ATP7A: variants seen among roughly 807,000 people sequenced by gnomAD.
The protein encoded by ATP7A is copper-transporting ATPase 1.
A neutral mutation model predicts 83.5 loss-of-function variants in ATP7A; 7 were observed. The observed-to-expected ratio is 0.08, with a 90% confidence interval of 0.05 to 0.16. The LOEUF is 0.16. ATP7A is among the 10% of genes least tolerant of loss of function. The probability of loss-of-function intolerance (pLI) is 1.00; values close to 1 mark genes in which losing one functional copy is unlikely to be tolerated. For synonymous variants in ATP7A, 354 were observed against 395.2 expected (o/e 0.90, Z 1.24); for missense variants, 940 against 1,120.8 (o/e 0.84, Z 2.30).
At chrX:78,027,105 ACGCCATTGAACTGC>A (rs2077950264) in intron 14 of ATP7A, among the ~76,000 whole-genome samples, 1 of 107,936 alleles carries the variant, frequency 9.3e-6, no homozygotes, top group Non-Finnish European at 1.9e-5. Flanking sequence ...AGCCTAGATC[ACGCCATTGAACTGC>A]CGCCTGGGCA....
chrX:78,008,898 C>G lies in ATP7A; in HGVS notation c.1708-204C>G, dbSNP rs782159407. On this transcript the variant is annotated intron_variant, in intron 6 of 22. Transcript: ENST00000341514. The stretch of plus-strand genomic sequence containing the variant: ...AGGCATGGTAGAACATGCCTGTAAC[C>G]CCAGCTACTTGAGAGGCTGAGGCAG... 6.4e-5 allele frequency among the ~76,000 whole-genome samples: 7 copies of G among 108,812 alleles called. No homozygotes were observed. In the Admixed American group the frequency reaches 6.9e-4, roughly 11 times the overall value. The allele number at this position is 108,812 out of a possible 115,157, so 94.5% of individuals were successfully genotyped here.
chrX:77,940,397 G>A (rs2077345364), intron 1 of ATP7A, among the ~76,000 whole-genome samples: 1 of 111,236 alleles, frequency 9.0e-6, no homozygotes, highest in Non-Finnish European at 1.9e-5. Flanking sequence ...TGAGGAAAGA[G>A]TGGCTTACTT....
At chrX:77,934,252 A>G (rs1557224844) in intron 1 of ATP7A, among the ~76,000 whole-genome samples, 1 of 110,544 alleles carries the variant, frequency 9.0e-6, no homozygotes. Flanking sequence ...CGTCTCTCCT[A>G]AACATTTAAA....
intron 7 of ATP7A, among the ~76,000 whole-genome samples, chrX:78,009,722 C>T (rs868944952): frequency 9.8e-5 from 11 of 111,802 alleles, no homozygotes; most frequent in African/African-American, 3.3e-4. Flanking sequence ...TTTTGAGAGG[C>T]CTAGAGGGCA....
intron 1 of ATP7A, among the ~76,000 whole-genome samples, chrX:77,941,895 T>C (rs901800992): frequency 8.9e-6 from 1 of 112,276 alleles, no homozygotes; most frequent in Admixed American, 9.4e-5. Flanking sequence ...CCTTTGCTTA[T>C]TAATTAAGTA....
chrX:77,937,948 TCGC>T (rs1172673754), intron 1 of ATP7A, among the ~76,000 whole-genome samples: 4 of 109,010 alleles, frequency 3.7e-5, no homozygotes, highest in African/African-American at 1.3e-4. Context: ...CCTCTCTCTC[TCGC>T]CAATTGTCAC....
chrX:77,981,195 A>C (rs782701255), intron 2 of ATP7A, among the ~76,000 whole-genome samples: 1 of 111,472 alleles, frequency 9.0e-6, no homozygotes, highest in East Asian at 2.8e-4. Context: ...ATGACAGTGC[A>C]TTGAATATTC....
chrX:78,002,320 G>A (rs973510294), intron 5 of ATP7A, among the ~76,000 whole-genome samples: 1 of 105,817 alleles, frequency 9.5e-6, no homozygotes, highest in African/African-American at 3.5e-5. Flanking sequence ...GGACTCAAGC[G>A]ATCTGCCCTC....
intron 1 of ATP7A, among the ~76,000 whole-genome samples, chrX:77,956,726 C>CCTTTCTGTCTTTCTTT (rs1557227383): frequency 1.4e-5 from 1 of 73,772 alleles, no homozygotes; most frequent in African/African-American, 5.1e-5. Flanking sequence ...TACCCAGTCT[C>CCTTTCTGTCTTTCTTT]CTTTCTTTCT....
At chrX:77,990,915 A>T (rs1309294993) in intron 4 of ATP7A, among the ~76,000 whole-genome samples, 5 of 112,175 alleles carry the variant, frequency 4.5e-5, no homozygotes, top group African/African-American at 6.5e-5. Flanking sequence ...TGAGTAAAAA[A>T]TTTTACTAAA....
intron 9 of ATP7A, 99 bp from the exon 10 acceptor site, chrX:78,012,780 A>G: frequency 1.3e-6 from 1 of 776,877 alleles, no homozygotes; most frequent in Non-Finnish European, 2.0e-6. Flanking sequence ...GATTAGCTAA[A>G]AGCCAAAGAA....
At chrX:77,948,252 G>A (rs1035358149) in intron 1 of ATP7A, among the ~76,000 whole-genome samples, 3 of 108,821 alleles carry the variant, frequency 2.8e-5, no homozygotes, top group Non-Finnish European at 5.7e-5. Context: ...TCAGCCTCCT[G>A]TAATGGCTGG....
In ATP7A at chrX:78,050,287, C is replaced by T. The variant is rs960787519; in HGVS notation, c.*3717C>T. On this transcript the variant is annotated 3_prime_UTR_variant, in exon 23 of 23. Coordinates refer to ENST00000341514, the MANE Select transcript of ATP7A (RefSeq NM_000052.7). ...GCAGTGGACGATGTTGTGCAATATC[C>T]ATCTACTGTAGTTAAGATATTCAGT... 3.6e-5 allele frequency: 4 copies of T among 112,211 alleles called. No homozygotes were observed. The highest frequency in any genetic ancestry group is 7.5e-5 in the Non-Finnish European group (4 of 53,188). 9.2% of individuals were successfully genotyped at this position (112,211 alleles called of 1,213,427 possible).
rs782260332 is a variant in ATP7A, at chrX:78,015,747, T to C, written c.2499-7T>C. ...TCATGGTGCTTTTTATGTTAACTTA[T>C]ATCCAGTGAAGAACAAGTGGATGTG... On this transcript the variant is annotated splice_region_variant and splice_polypyrimidine_tract_variant and intron_variant, in intron 11 of 22. Coordinates refer to ENST00000341514, the MANE Select transcript of ATP7A (RefSeq NM_000052.7). 4.2e-5 allele frequency: 51 copies of C among 1,209,759 alleles called. No individual in the cohort carries two copies. The highest frequency in any genetic ancestry group is 2.3e-4 in the Middle Eastern group (1 of 4,370).
intron 1 of ATP7A, among the ~76,000 whole-genome samples, chrX:77,951,197 A>C (rs1265825130): frequency 9.0e-6 from 1 of 111,697 alleles, no homozygotes; most frequent in Non-Finnish European, 1.9e-5. Context: ...TGCCACACAA[A>C]ATTTTAAAAT....
chrX:78,017,448 C>T (rs781984223), intron 12 of ATP7A, among the ~76,000 whole-genome samples: 14 of 112,298 alleles, frequency 1.2e-4, no homozygotes, highest in African/African-American at 3.9e-4. Flanking sequence ...TTTGGCTCCT[C>T]GTTACTTATG....
At chrX:77,913,360 T>A (rs1255159332) in intron 1 of ATP7A, among the ~76,000 whole-genome samples, 4 of 111,494 alleles carry the variant, frequency 3.6e-5, no homozygotes, top group African/African-American at 9.8e-5. Context: ...GCGTTTTGTT[T>A]TTAGACAACG....
At chrX:77,954,582 G>A in intron 1 of ATP7A, among the ~76,000 whole-genome samples, 1 of 111,814 alleles carries the variant, frequency 8.9e-6, no homozygotes, top group Non-Finnish European at 1.9e-5. Context: ...CATTTTAAAG[G>A]TTTATACAAT....
Position 78,031,525 on chromosome X carries a change from T to C in ATP7A, c.3237T>C (p.Thr1079=). Residue 1079 remains threonine (T), a synonymous_variant, in exon 16 of 23, where the codon ACT becomes ACC. Coordinates refer to ENST00000341514, the MANE Select transcript of ATP7A (RefSeq NM_000052.7). ...SHHKILAIVG[T]AESNSEHPLG... Reference sequence around the variant, plus strand: ...ATAAAATCTTGGCCATTGTGGGAACTGCTGAAAGTAACAGTGAACACCCTC... The same window carrying C: ...ATAAAATCTTGGCCATTGTGGGAACCGCTGAAAGTAACAGTGAACACCCTC... 4 of 1,211,477 alleles carry C rather than the reference T, an allele frequency of 3.3e-6. No individual in the cohort carries two copies. Among genetic ancestry groups the C allele is most frequent in the Non-Finnish European group, 4.5e-6 (4 of 895,197 alleles).
Sources: gnomAD v4.1 joint callset for allele counts (sites outside exome capture counted in the v4.1 genomes callset) on GRCh38, gnomAD v4.1.1 for gene constraint, MANE v1.5 for transcripts, NCBI Gene and HGNC (gene_info 2026-07-23, HGNC 2026-07-21) for gene names.